The following TRPM6 variants were observed in gnomAD, a reference collection of about 807,000 sequenced individuals.
TRPM6 encodes transient receptor potential cation channel subfamily M member 6.
Under a neutral mutation model 247.6 loss-of-function variants are expected in TRPM6, and 111 were observed. The observed-to-expected ratio is 0.45, with a 90% CI of 0.38 to 0.52. The LOEUF (loss-of-function observed/expected upper bound fraction) is 0.52, where lower values mean the gene tolerates loss of function less well. Ranked by LOEUF, TRPM6 falls within the 20% of genes least tolerant of loss-of-function variation. The pLI, the probability that TRPM6 is intolerant of heterozygous loss-of-function variation, is 0.00. For missense variants in TRPM6, 2,126 were observed against 2,421.5 expected (o/e 0.88, Z 2.56); for synonymous variants, 892 against 853.8 (o/e 1.04, Z -0.78).
chr9:74,837,565 G>T (rs1829768382), intron 5 of TRPM6, among the ~76,000 whole-genome samples: 2 of 151,864 alleles, frequency 1.3e-5, no homozygotes, highest in African/African-American at 4.8e-5. Flanking sequence ...TCCTGCCTCA[G>T]CCTCCCAAGT....
chr9:74,727,214 CTACAAAAAA>C (rs1320998762), intron 38 of TRPM6, among the ~76,000 whole-genome samples: 2 of 151,856 alleles, frequency 1.3e-5, no homozygotes, highest in South Asian at 2.1e-4. Flanking sequence ...AACCCTGTCT[CTACAAAAAA>C]TACAAAAAAT....
At chr9:74,769,575 G>A (rs532343237) in intron 25 of TRPM6, among the ~76,000 whole-genome samples, 1 of 152,080 alleles carries the variant, frequency 6.6e-6, no homozygotes, top group African/African-American at 2.4e-5. Flanking sequence ...TGGCTAACAC[G>A]GTGAAACCCC....
chr9:74,803,928 T>A (rs1404074299), intron 14 of TRPM6, 42 bp from the exon 15 acceptor site: 3 of 1,181,996 alleles, frequency 2.5e-6, no homozygotes, highest in Non-Finnish European at 3.8e-6. Flanking sequence ...CTCTGGCACG[T>A]TATTATTTTA....
intron 30 of TRPM6, among the ~76,000 whole-genome samples, chr9:74,749,034 A>G (rs1826147741): frequency 6.6e-6 from 1 of 152,200 alleles, no homozygotes; most frequent in Non-Finnish European, 1.5e-5. Flanking sequence ...TAGTTACACA[A>G]ATACCATAGC....
chr9:74,835,995 T>C (rs960297236), intron 5 of TRPM6, among the ~76,000 whole-genome samples: 1 of 152,154 alleles, frequency 6.6e-6, no homozygotes, highest in Non-Finnish European at 1.5e-5. Context: ...TAGTCCACAG[T>C]TTACATCAGT....
chr9:74,774,054 C>T (rs1217772670), intron 24 of TRPM6, among the ~76,000 whole-genome samples: 2 of 152,166 alleles, frequency 1.3e-5, no homozygotes, highest in African/African-American at 4.8e-5. Context: ...CAGTATGTGG[C>T]GCTTTCCTGT....
rs1041901539 is a variant in TRPM6 at position 74,858,248 on chromosome 9, G to A, written c.113+421C>T. Among the ~76,000 whole-genome samples the A allele has an allele frequency of 2.0e-5, 3 of 152,176 alleles. No homozygotes were observed. In the South Asian group the frequency reaches 6.2e-4, roughly 31 times the overall value. ...CTAAAAATACTAAAATTAGCCGGAC[G>A]TGGTGGCAGGTGCCTGTAATCCCAG... On this transcript the variant is annotated intron_variant, in intron 2 of 38. Transcript: ENST00000360774.
intron 3 of TRPM6, among the ~76,000 whole-genome samples, chr9:74,852,555 T>C (rs1830366956): frequency 6.6e-6 from 1 of 152,038 alleles, no homozygotes; most frequent in Non-Finnish European, 1.5e-5. Flanking sequence ...CAAGGCGGAC[T>C]GTGCCGCCAC....
At chr9:74,816,615 C>T in intron 11 of TRPM6, 54 bp downstream of exon 11, 1 of 1,466,242 alleles carries the variant, frequency 6.8e-7, no homozygotes, top group Non-Finnish European at 9.5e-7. Context: ...TTGCCCCTTC[C>T]TAACAGACCA....
At chr9:74,738,648 T>C in intron 35 of TRPM6, 36 bp from the exon 36 acceptor site, 1 of 1,589,358 alleles carries the variant, frequency 6.3e-7, no homozygotes, top group South Asian at 1.1e-5. Flanking sequence ...TCCCCCACAA[T>C]ACAGCAAAAG....
At chr9:74,818,862 G>GT (rs543200085) in intron 9 of TRPM6, among the ~76,000 whole-genome samples, 156 of 145,818 alleles carry the variant, frequency 1.1e-3, no homozygotes, top group East Asian at 9.9e-4. Flanking sequence ...ACTTCAGTTG[G>GT]TTTTTTTTTT....
chr9:74,734,689 T>C (rs1480793771), intron 36 of TRPM6, among the ~76,000 whole-genome samples: 3 of 152,356 alleles, frequency 2.0e-5, no homozygotes, highest in African/African-American at 7.2e-5. Flanking sequence ...CAAGAACTTC[T>C]TGTGAAGTGA....
intron 20 of TRPM6, among the ~76,000 whole-genome samples, chr9:74,786,358 C>T (rs1314078135): frequency 1.3e-5 from 2 of 152,192 alleles, no homozygotes; most frequent in African/African-American, 2.4e-5. Context: ...ACTTGAAACT[C>T]CAACTAGAAG....
intron 2 of TRPM6, among the ~76,000 whole-genome samples, chr9:74,856,322 C>G (rs1261388160): frequency 6.6e-6 from 1 of 151,996 alleles, no homozygotes; most frequent in African/African-American, 2.4e-5. Context: ...TGCCTGTGGT[C>G]CCAGCTACTT....
intron 7 of TRPM6, among the ~76,000 whole-genome samples, chr9:74,824,618 A>G (rs1361552780): frequency 6.6e-6 from 1 of 151,508 alleles, no homozygotes; most frequent in Non-Finnish European, 1.5e-5. Flanking sequence ...AAATCTCACT[A>G]GAGAGCTGCT....
intron 36 of TRPM6, among the ~76,000 whole-genome samples, chr9:74,733,319 T>G (rs757108149): frequency 2.0e-5 from 3 of 152,152 alleles, no homozygotes; most frequent in Non-Finnish European, 4.4e-5. Context: ...TCATGTAAAT[T>G]AAATGCACTA....
chr9:74,840,355 G>A, intron 4 of TRPM6, 118 bp from the exon 5 acceptor site: 1 of 714,752 alleles, frequency 1.4e-6, no homozygotes, highest in Non-Finnish European at 2.5e-6. Context: ...GAAGTATGTG[G>A]GATCTCTTTA....
chr9:74,840,279 A>G, intron 4 of TRPM6, 42 bp from the exon 5 acceptor site: 1 of 1,446,980 alleles, frequency 6.9e-7, no homozygotes, highest in Non-Finnish European at 9.6e-7. Flanking sequence ...CATTGTAAAA[A>G]AGTTATGCCA....
chr9:74,809,273 A>G (rs1165926302), intron 13 of TRPM6, among the ~76,000 whole-genome samples: 1 of 152,208 alleles, frequency 6.6e-6, no homozygotes, highest in Non-Finnish European at 1.5e-5. Context: ...CTTAGTCTAA[A>G]TGAAAATTAT....
Sources: gnomAD v4.1 joint callset for allele counts (sites outside exome capture counted in the v4.1 genomes callset) on GRCh38, gnomAD v4.1.1 for gene constraint, MANE v1.5 for transcripts, NCBI Gene and HGNC (gene_info 2026-07-23, HGNC 2026-07-21) for gene names.